Variants in CSMD1 observed in about 807,000 individuals in gnomAD.
CSMD1 encodes CUB and Sushi multiple domains 1.
Under a neutral mutation model 417.5 loss-of-function variants are expected in CSMD1, and 213 were observed. The ratio of observed to expected loss-of-function variants is 0.51; its 90% CI spans 0.46 to 0.57. CSMD1 has a LOEUF of 0.57. Ranked by LOEUF, CSMD1 falls within the 20% of genes least tolerant of loss-of-function variation. CSMD1 has a pLI of 0.00. For synonymous variants in CSMD1, 2,862 were observed against 1,736.8 expected (o/e 1.65, Z -16.11); for missense variants, 6,923 against 4,529.7 (o/e 1.53, Z -15.17).
chr8:3,239,092 C>T (rs925849693), intron 26 of CSMD1, among the ~76,000 whole-genome samples: 5 of 152,082 alleles, frequency 3.3e-5, no homozygotes, highest in Non-Finnish European at 7.3e-5. Flanking sequence ...GAGGACAGAC[C>T]TGAATTCTGA....
intron 1 of CSMD1, among the ~76,000 whole-genome samples, chr8:4,818,620 G>T (rs949283668): frequency 6.6e-6 from 1 of 152,008 alleles, no homozygotes; most frequent in Admixed American, 6.5e-5. Context: ...ACCCTTGAGG[G>T]AAAGTGCCAG....
chr8:4,040,589 A>C (rs1385203441), intron 3 of CSMD1, among the ~76,000 whole-genome samples: 1 of 152,242 alleles, frequency 6.6e-6, no homozygotes, highest in Admixed American at 6.5e-5. Context: ...AGTTATAATA[A>C]CATGCATATA....
At chr8:4,545,324 A>ATATTTATT (rs1186287835) in intron 2 of CSMD1, among the ~76,000 whole-genome samples, 1 of 152,186 alleles carries the variant, frequency 6.6e-6, no homozygotes, top group African/African-American at 2.4e-5. Context: ...AACACCAGAA[A>ATATTTATT]AGCCCTTCAT....
At chr8:4,915,146 T>A (rs1805965127) in intron 1 of CSMD1, among the ~76,000 whole-genome samples, 1 of 152,144 alleles carries the variant, frequency 6.6e-6, no homozygotes, top group South Asian at 2.1e-4. Context: ...GAAAATGGAA[T>A]ACGCATGCTT....
intron 1 of CSMD1, among the ~76,000 whole-genome samples, chr8:4,774,222 C>G (rs974906802): frequency 1.3e-5 from 2 of 152,036 alleles, no homozygotes; most frequent in East Asian, 1.9e-4. Context: ...AAATAATCAT[C>G]TTTTCTTTCC....
intron 3 of CSMD1, among the ~76,000 whole-genome samples, chr8:4,346,734 A>T (rs1421500955): frequency 6.6e-6 from 1 of 152,176 alleles, no homozygotes; most frequent in Non-Finnish European, 1.5e-5. Flanking sequence ...TATTTTAGAT[A>T]TAAAAATAAA....
chr8:4,020,332 T>C (rs1406992957), intron 4 of CSMD1, among the ~76,000 whole-genome samples: 1 of 152,196 alleles, frequency 6.6e-6, no homozygotes, highest in Non-Finnish European at 1.5e-5. Context: ...AGCACTTTAA[T>C]CCCCTTCTTT....
chr8:4,949,870 G>C (rs1808622521), intron 1 of CSMD1, among the ~76,000 whole-genome samples: 1 of 152,152 alleles, frequency 6.6e-6, no homozygotes, highest in Non-Finnish European at 1.5e-5. Context: ...TAGTTCAAAA[G>C]TAATTGCCTG....
chr8:3,399,267 A>G (rs1472428783), intron 16 of CSMD1, 124 bp downstream of exon 16: 3 of 788,286 alleles, frequency 3.8e-6, no homozygotes, highest in Non-Finnish European at 5.9e-6. Flanking sequence ...TGTTTCTGGT[A>G]AAGTGTGCTC....
rs1563365809 is a variant in CSMD1, at chr8:3,415,353, T to TA, written c.1562-5749_1562-5748insT. Among the ~76,000 whole-genome samples, 587 of 152,294 alleles carry TA rather than the reference T, an allele frequency of 3.9e-3. 3 individuals carry two copies. The highest frequency in any genetic ancestry group is 0.013 in the African/African-American group (542 of 41,562). ...TGTATAAGAGATCCCTTGAACTTAT[T>TA]TACATGTTGCATTTATTTATTTGAA... On this transcript the variant is annotated intron_variant, in intron 12 of 69. Coordinates refer to ENST00000635120, the MANE Select transcript of CSMD1 (RefSeq NM_033225.6).
chr8:4,990,259 T>C (rs1218160137), intron 1 of CSMD1, among the ~76,000 whole-genome samples: 1 of 152,200 alleles, frequency 6.6e-6, no homozygotes, highest in Non-Finnish European at 1.5e-5. Flanking sequence ...CGCTGAACAG[T>C]TCTGATTTGA....
chr8:4,156,385 G>A (rs141281657), intron 3 of CSMD1, among the ~76,000 whole-genome samples: 72 of 152,222 alleles, frequency 4.7e-4, no homozygotes, highest in Admixed American at 1.3e-3. Flanking sequence ...GAAGCCAATG[G>A]CAAGTCCATA....
At chr8:3,517,082 G>A (rs761932622) in intron 10 of CSMD1, among the ~76,000 whole-genome samples, 6 of 152,184 alleles carry the variant, frequency 3.9e-5, no homozygotes, top group Non-Finnish European at 5.9e-5. Flanking sequence ...CAGGGAAGGG[G>A]CATCTGGCGG....
intron 12 of CSMD1, among the ~76,000 whole-genome samples, chr8:3,452,112 C>G (rs1428755282): frequency 3.3e-5 from 5 of 152,132 alleles, no homozygotes; most frequent in Admixed American, 1.3e-4. Context: ...ATTTGGCTCT[C>G]TGTTTGTCTG....
chr8:4,595,387 C>CTTTTTTTTTTTT, intron 2 of CSMD1, among the ~76,000 whole-genome samples: 44 of 147,162 alleles, frequency 3.0e-4, no homozygotes, highest in Non-Finnish European at 4.1e-4. Flanking sequence ...CATTCATTTT[C>CTTTTTTTTTTTT]ATTCCATCCA....
intron 7 of CSMD1, among the ~76,000 whole-genome samples, chr8:3,704,535 G>C (rs1023493441): frequency 2.0e-5 from 3 of 152,204 alleles, no homozygotes; most frequent in Admixed American, 6.5e-5. Context: ...AACAGCTAGA[G>C]AGATAAGAGG....
At chr8:4,365,507 C>T (rs759621424) in intron 3 of CSMD1, among the ~76,000 whole-genome samples, 4 of 152,154 alleles carry the variant, frequency 2.6e-5, no homozygotes, top group African/African-American at 4.8e-5. Context: ...GCTACGAATC[C>T]AGGCGTTGTG....
intron 3 of CSMD1, among the ~76,000 whole-genome samples, chr8:4,075,417 A>C (rs1197220006): frequency 6.6e-6 from 1 of 152,194 alleles, no homozygotes. Flanking sequence ...TTAATATCAA[A>C]ATAAATTTTA....
chr8:3,322,093 G>C (rs1298216711), intron 23 of CSMD1, among the ~76,000 whole-genome samples: 8 of 152,168 alleles, frequency 5.3e-5, no homozygotes, highest in African/African-American at 1.9e-4. Flanking sequence ...ATGAAAGTCA[G>C]TGCAGACATC....
Sources: gnomAD v4.1 joint callset for allele counts (sites outside exome capture counted in the v4.1 genomes callset) on GRCh38, gnomAD v4.1.1 for gene constraint, MANE v1.5 for transcripts, NCBI Gene and HGNC (gene_info 2026-07-23, HGNC 2026-07-21) for gene names.